Variants in NOTCH2NLB observed in about 807,000 individuals in gnomAD.
The protein encoded by NOTCH2NLB is notch homolog 2 N-terminal-like protein B.
Under a neutral mutation model 14.8 loss-of-function variants are expected in NOTCH2NLB, and 1 was observed. The ratio of observed to expected loss-of-function variants is 0.07; its 90% CI spans 0.02 to 0.32. NOTCH2NLB has a LOEUF of 0.32. NOTCH2NLB is among the 10% of genes least tolerant of loss of function. The probability of loss-of-function intolerance (pLI) is 1.00; values close to 1 mark genes in which losing one functional copy is unlikely to be tolerated. For missense variants in NOTCH2NLB, 11 were observed against 155.0 expected (o/e 0.07, Z 4.93); for synonymous variants, 6 against 57.5 (o/e 0.10, Z 4.05).
chr1:148,670,480 G>A (rs1441342184), intron 1 of NOTCH2NLB, among the ~76,000 whole-genome samples: 8 of 135,370 alleles, frequency 5.9e-5, no homozygotes, highest in Non-Finnish European at 1.1e-4. Flanking sequence ...GTTGACAATA[G>A]TATATTATGT....
chr1:148,705,941 TC>T, the NOTCH2NLB span, among the ~76,000 whole-genome samples: 4 of 4,588 alleles, frequency 8.7e-4, no homozygotes, highest in East Asian at 0.056. Flanking sequence ...AACAGAAAGT[TC>T]TTTTTTTTTT....
intron 1 of NOTCH2NLB, among the ~76,000 whole-genome samples, chr1:148,670,553 C>CATATATATATATATATATATATATACAT (rs1311446628): frequency 1.9e-5 from 2 of 104,232 alleles, no homozygotes; most frequent in Non-Finnish European, 4.0e-5. Flanking sequence ...TATATATATA[C>CATATATATATATATATATATATATACAT]ATATATATAT....
the NOTCH2NLB span, among the ~76,000 whole-genome samples, chr1:148,685,873 T>A: frequency 8.1e-6 from 1 of 123,368 alleles, no homozygotes; most frequent in Non-Finnish European, 1.7e-5. Context: ...TCCTTCTAAG[T>A]AAGTAATTCA....
intron 3 of NOTCH2NLB, among the ~76,000 whole-genome samples, chr1:148,615,320 CTTG>C: frequency 2.5e-5 from 1 of 39,258 alleles, no homozygotes; most frequent in African/African-American, 6.0e-5. Context: ...TATTTTTATT[CTTG>C]TTTTTTTGTA....
At chr1:148,627,952 G>C (rs1468643371) in intron 2 of NOTCH2NLB, among the ~76,000 whole-genome samples, 1 of 131,336 alleles carries the variant, frequency 7.6e-6, no homozygotes, top group Non-Finnish European at 1.6e-5. Context: ...GGAACAACTG[G>C]GTTGAGCTAT....
At chr1:148,651,144 G>GGAAAAAA (rs1225742292) in intron 1 of NOTCH2NLB, among the ~76,000 whole-genome samples, 5 of 76,504 alleles carry the variant, frequency 6.5e-5, no homozygotes, top group East Asian at 5.2e-4. Context: ...CTCTGCCTGA[G>GGAAAAAA]AAAAAAAAAA....
chr1:148,625,314 G>A (rs1211607074), intron 2 of NOTCH2NLB, among the ~76,000 whole-genome samples: 1 of 69,036 alleles, frequency 1.4e-5, no homozygotes, highest in African/African-American at 7.4e-5. Flanking sequence ...TTGCATCCAG[G>A]GCTTTGCTGC....
intron 1 of NOTCH2NLB, among the ~76,000 whole-genome samples, chr1:148,674,724 A>AACTTGAATGAGAG: frequency 1.1e-5 from 1 of 92,666 alleles, no homozygotes; most frequent in South Asian, 4.4e-4. Context: ...AAATGTGTGT[A>AACTTGAATGAGAG]GCACAGACCT....
the NOTCH2NLB span, among the ~76,000 whole-genome samples, chr1:148,703,097 G>A: frequency 3.5e-5 from 1 of 28,852 alleles, no homozygotes. Context: ...GGGCGACAGC[G>A]AGACTCCGTC....
intron 3 of NOTCH2NLB, among the ~76,000 whole-genome samples, chr1:148,608,857 G>C (rs1224287852): frequency 7.0e-6 from 1 of 143,354 alleles, no homozygotes; most frequent in Non-Finnish European, 1.5e-5. Context: ...GGTCTTGAAG[G>C]TATTCCGTGG....
chr1:148,622,564 GCA>G (rs1663909601), intron 2 of NOTCH2NLB, among the ~76,000 whole-genome samples: 1 of 65,432 alleles, frequency 1.5e-5, no homozygotes, highest in Non-Finnish European at 2.6e-5. Flanking sequence ...TACCAGTGCA[GCA>G]CAGAGCTGAA....
intron 3 of NOTCH2NLB, among the ~76,000 whole-genome samples, chr1:148,609,586 T>C (rs1663618584): frequency 7.0e-6 from 1 of 142,492 alleles, no homozygotes; most frequent in African/African-American, 2.7e-5. Flanking sequence ...AGCAGCACGA[T>C]TTATAATTCT....
At position 148,661,091 on chromosome 1, in the gene NOTCH2NLB, ATTG is replaced by A. The variant is rs1664671382; in HGVS notation, c.3+18368_3+18370del. 6.9e-5 allele frequency among the ~76,000 whole-genome samples: 10 copies of A among 145,900 alleles called. 1 individual carries two copies. The South Asian group carries it at 1.3e-3, about 20-fold the overall frequency. ...GCCTCAAAGAAATAGTTGAGCCATT[ATTG>A]TTGTTGATAATGACGAGCAGATGCT... On this transcript the variant is annotated intron_variant, in intron 1 of 4. Transcript: ENST00000593495.
At chr1:148,633,602 G>A (rs1328215658) in intron 2 of NOTCH2NLB, among the ~76,000 whole-genome samples, 1 of 16,494 alleles carries the variant, frequency 6.1e-5, no homozygotes, top group Non-Finnish European at 9.6e-5. Flanking sequence ...CACCAGTCAA[G>A]GATCTTCCAG....
chr1:148,670,553 C>CATATAT (rs1311446628), intron 1 of NOTCH2NLB, among the ~76,000 whole-genome samples: 1,333 of 104,110 alleles, frequency 0.013, 46 homozygotes, highest in African/African-American at 0.043. Flanking sequence ...TATATATATA[C>CATATAT]ATATATATAT....
chr1:148,643,299 GC>G (rs1349062238), intron 1 of NOTCH2NLB, among the ~76,000 whole-genome samples: 2 of 99,402 alleles, frequency 2.0e-5, no homozygotes, highest in Non-Finnish European at 3.7e-5. Flanking sequence ...GGCGGCTGAG[GC>G]GGGTGGATCA....
intron 2 of NOTCH2NLB, among the ~76,000 whole-genome samples, chr1:148,632,508 T>TA (rs1193126281): frequency 3.1e-5 from 2 of 64,588 alleles, no homozygotes; most frequent in Non-Finnish European, 5.2e-5. Context: ...AGACTTCCTT[T>TA]ACAAAAGACC....
rs1290853880 is a variant in NOTCH2NLB, at chr1:148,610,317, AAGAGAG to A, written c.338-2578_338-2573del. On this transcript the variant is annotated intron_variant, in intron 3 of 4. Coordinates refer to ENST00000593495, the Ensembl canonical transcript of NOTCH2NLB. ...AGAGGGAAAGAGAGAGAAAGAGAGA[AAGAGAG>A]AGAAAGAAAGAAAGAAAGAAAGAAA... is the stretch of plus-strand genomic sequence containing the variant. Among the ~76,000 whole-genome samples the A allele has an allele frequency of 8.2e-4, 54 of 66,098 alleles. 1 individual carries two copies. The highest frequency in any genetic ancestry group is 3.5e-3 in the African/African-American group (50 of 14,402). 43.4% of individuals were successfully genotyped at this position (66,098 alleles called of 152,430 possible).
intron 3 of NOTCH2NLB, among the ~76,000 whole-genome samples, chr1:148,615,326 T>G (rs1663779537): frequency 2.6e-5 from 1 of 39,160 alleles, no homozygotes; most frequent in African/African-American, 6.0e-5. Flanking sequence ...TATTCTTGTT[T>G]TTTTGTAGAG....
Sources: allele counts gnomAD v4.1 joint callset (sites outside exome capture counted in the v4.1 genomes callset), GRCh38; gene constraint gnomAD v4.1.1; transcripts MANE v1.5; gene names NCBI Gene and HGNC (gene_info 2026-07-23, HGNC 2026-07-21).